CENPC: variants seen among roughly 807,000 people sequenced by gnomAD.
The protein encoded by CENPC is centromere protein C.
Under a neutral mutation model 112.1 loss-of-function variants are expected in CENPC, and 63 were observed. The observed-to-expected ratio is 0.56, with a 90% confidence interval of 0.46 to 0.69. The LOEUF (loss-of-function observed/expected upper bound fraction) is 0.69, where lower values mean the gene tolerates loss of function less well. CENPC is among the 30% of genes least tolerant of loss of function. CENPC has a pLI of 0.00. For synonymous variants in CENPC, 333 were observed against 367.6 expected (o/e 0.91, Z 1.08); for missense variants, 1,000 against 1,103.8 (o/e 0.91, Z 1.33).
intron 16 of CENPC, among the ~76,000 whole-genome samples, chr4:67,490,815 C>T (rs1725227891): frequency 7.0e-6 from 1 of 142,390 alleles, no homozygotes; most frequent in Admixed American, 7.1e-5. Context: ...AGTGATCCTA[C>T]AGACTACATG....
At chr4:67,472,924 A>C (rs749824963) in intron 18 of CENPC, among the ~76,000 whole-genome samples, 3 of 152,248 alleles carry the variant, frequency 2.0e-5, no homozygotes, top group Non-Finnish European at 2.9e-5. Context: ...GAGATGAATC[A>C]GTCGAGAGTG....
At chr4:67,532,899 T>A (rs967600370) in intron 4 of CENPC, among the ~76,000 whole-genome samples, 1 of 152,214 alleles carries the variant, frequency 6.6e-6, no homozygotes, top group Non-Finnish European at 1.5e-5. Context: ...AGTAAAATAA[T>A]AATTTTTAAA....
rs777777805 is a variant in CENPC at position 67,530,845 on chromosome 4, C to T, written c.301G>A (p.Val101Ile). The T allele has an allele frequency of 6.2e-7, 1 of 1,604,838 alleles. No individual in the cohort carries two copies. The highest frequency in any genetic ancestry group is 8.5e-7 in the Non-Finnish European group (1 of 1,175,328). ...CTGTTTGTGGCTTCACTTGGTTCTA[C>T]AACAAACTGTAGAGAGGCTTCTTTC... is the stretch of plus-strand genomic sequence containing the variant. ...KKKEASLQFV[V>I]EPSEATNRSV... is the part of the protein sequence containing the mutation. The change falls in exon 5 of 19, where the codon GTA becomes ATA. Residue 101 changes from valine (V) to isoleucine (I), a missense_variant. By Grantham distance (29) the Val-to-Ile change is conservative (BLOSUM62 3). Transcript: ENST00000273853.
At chr4:67,497,098 G>A (rs1043362894) in intron 12 of CENPC, among the ~76,000 whole-genome samples, 2 of 152,000 alleles carry the variant, frequency 1.3e-5, no homozygotes, top group Admixed American at 1.3e-4. Flanking sequence ...AAATACAGGC[G>A]GCCAGGCGCA....
At chr4:67,536,692 GTC>G (rs1444840209) in intron 4 of CENPC, among the ~76,000 whole-genome samples, 1 of 151,176 alleles carries the variant, frequency 6.6e-6, no homozygotes, top group African/African-American at 2.4e-5. Flanking sequence ...CACCTACAAA[GTC>G]TCTGTTGTTT....
intron 7 of CENPC, among the ~76,000 whole-genome samples, chr4:67,517,323 G>A (rs1436508140): frequency 5.9e-5 from 9 of 151,542 alleles, no homozygotes; most frequent in East Asian, 2.0e-4. Flanking sequence ...CACCAAGCCC[G>A]ACTAATTTTT....
At chr4:67,535,710 A>C (rs1726699132) in intron 4 of CENPC, among the ~76,000 whole-genome samples, 1 of 152,206 alleles carries the variant, frequency 6.6e-6, no homozygotes, top group African/African-American at 2.4e-5. Context: ...AATCCTACTA[A>C]AAATTATGAT....
In CENPC at chr4:67,470,679, C is replaced by T. The variant is rs1164284331; in HGVS notation, c.*1926G>A. 1 of 152,104 alleles carries T rather than the reference C, an allele frequency of 6.6e-6. No individual in the cohort carries two copies. Among genetic ancestry groups the T allele is most frequent in the African/African-American group, 2.4e-5 (1 of 41,400 alleles). 9.4% of individuals were successfully genotyped at this position (152,104 alleles called of 1,614,324 possible). On this transcript the variant is annotated 3_prime_UTR_variant, in exon 19 of 19. Transcript: ENST00000273853. The stretch of plus-strand genomic sequence containing the variant: ...TCTGTGGCCTCCTTGAGTGAGGTCT[C>T]ACCCACCCCTAGGTTGATTGGTAAA...
Position 67,514,501 on chromosome 4 carries a change from T to C in CENPC, c.1017A>G (p.Ala339=), listed in dbSNP as rs1725996880. Residue 339 remains alanine, a synonymous_variant, in exon 8 of 19, where the codon GCA becomes GCG. Transcript: ENST00000273853. ...QRTISPAEST[A]LLQGRKSREK... ...CTCTTGACTTTCTACCTTGAAGGAG[T>C]GCAGTGCTCTCAGCCGGGGATATTG... 1 of 1,613,274 alleles carries C rather than the reference T, an allele frequency of 6.2e-7. No individual in the cohort carries two copies. Among genetic ancestry groups the C allele is most frequent in the South Asian group, 1.1e-5 (1 of 91,026 alleles).
At chr4:67,541,292 G>T (rs1222696400) in intron 2 of CENPC, among the ~76,000 whole-genome samples, 1 of 152,032 alleles carries the variant, frequency 6.6e-6, no homozygotes, top group Admixed American at 6.5e-5. Flanking sequence ...TAGTTGAACA[G>T]CCATGTCTAA....
At chr4:67,493,059 C>T in intron 14 of CENPC, 62 bp from the exon 15 acceptor site, 5 of 1,335,790 alleles carry the variant, frequency 3.7e-6, no homozygotes, top group Non-Finnish European at 5.0e-6. Context: ...AACAAAACTC[C>T]TTAAATTTAA....
chr4:67,477,727 T>C (rs1724843274), intron 17 of CENPC, among the ~76,000 whole-genome samples: 1 of 152,076 alleles, frequency 6.6e-6, no homozygotes, highest in Non-Finnish European at 1.5e-5. Flanking sequence ...AGAAAAATAA[T>C]TCAGAAGGTT....
chr4:67,475,884 C>T (rs1211060514), intron 17 of CENPC, among the ~76,000 whole-genome samples: 6 of 152,184 alleles, frequency 3.9e-5, no homozygotes, highest in Non-Finnish European at 7.4e-5. Context: ...CCACCGCGCC[C>T]AGCCCAAGAG....
At chr4:67,510,407 A>C (rs556419581) in intron 9 of CENPC, among the ~76,000 whole-genome samples, 4 of 152,246 alleles carry the variant, frequency 2.6e-5, no homozygotes, top group African/African-American at 9.6e-5. Flanking sequence ...CTGTTTACTT[A>C]TCTCTACTTC....
intron 5 of CENPC, among the ~76,000 whole-genome samples, chr4:67,521,824 G>A (rs983093092): frequency 4.6e-5 from 7 of 152,140 alleles, no homozygotes; most frequent in Non-Finnish European, 7.3e-5. Flanking sequence ...ACTACAACAT[G>A]GATGAACCTT....
At chr4:67,503,557 T>G (rs1174423238) in intron 12 of CENPC, among the ~76,000 whole-genome samples, 1 of 152,154 alleles carries the variant, frequency 6.6e-6, no homozygotes, top group Admixed American at 6.6e-5. Context: ...TTTTGTCAGT[T>G]TTGTTCACTG....
intron 9 of CENPC, among the ~76,000 whole-genome samples, chr4:67,510,517 G>A (rs1725864618): frequency 1.3e-5 from 2 of 152,146 alleles, no homozygotes. Flanking sequence ...GGACTATGGT[G>A]AAGCAAGAGT....
chr4:67,478,978 G>A (rs939734764), intron 17 of CENPC, among the ~76,000 whole-genome samples: 2 of 152,066 alleles, frequency 1.3e-5, no homozygotes, highest in African/African-American at 2.4e-5. Flanking sequence ...GACAAAGAAG[G>A]CCATTATGTA....
chr4:67,478,730 C>T (rs1560417962), intron 17 of CENPC, among the ~76,000 whole-genome samples: 1 of 151,900 alleles, frequency 6.6e-6, no homozygotes, highest in Non-Finnish European at 1.5e-5. Context: ...TCAATACTAA[C>T]ATTGAATATA....
Sources: gnomAD v4.1 joint callset for allele counts (sites outside exome capture counted in the v4.1 genomes callset) on GRCh38, gnomAD v4.1.1 for gene constraint, MANE v1.5 for transcripts, NCBI Gene and HGNC (gene_info 2026-07-23, HGNC 2026-07-21) for gene names.